The following CCDC30 variants were observed in gnomAD, a reference collection of about 807,000 sequenced individuals.
CCDC30 encodes the protein coiled-coil domain containing 30, also known as coiled-coil domain-containing protein 30.
A neutral mutation model predicts 100.2 loss-of-function variants in CCDC30; 70 were observed. That is an observed-to-expected ratio of 0.70 (90% CI 0.58 to 0.85). The LOEUF is 0.85. CCDC30 is among the 40% of genes least tolerant of loss of function. The pLI, the probability that CCDC30 is intolerant of heterozygous loss-of-function variation, is 0.00. For missense variants in CCDC30, 652 were observed against 771.2 expected, an observed-to-expected ratio of 0.85 and a Z score of 1.83; for synonymous variants, 233 against 269.5, an observed-to-expected ratio of 0.86 and a Z score of 1.33.
Position 42,586,020 on chromosome 1 carries a change from G to A in CCDC30, c.1002-3301G>A, listed in dbSNP as rs550131826. 7.9e-5 allele frequency among the ~76,000 whole-genome samples: 12 copies of A among 152,352 alleles called. 1 individual carries two copies. The highest frequency in any genetic ancestry group is 2.9e-4 in the African/African-American group (12 of 41,586). Reference sequence around the variant, plus strand: ...CAACTGCAATGAAGTATGATGAAGTGTGGTAAGTGTTATACTAAAGGAGGT... The same window carrying A: ...CAACTGCAATGAAGTATGATGAAGTATGGTAAGTGTTATACTAAAGGAGGT... On this transcript the variant is annotated intron_variant, in intron 9 of 16. Coordinates refer to ENST00000668663, the Ensembl canonical transcript of CCDC30.
chr1:42,537,627 C>T (rs1007314090), intron 6 of CCDC30: 4 of 265,316 alleles, frequency 1.5e-5, no homozygotes, highest in Admixed American at 5.1e-5. Context: ...AAGTCTTCCA[C>T]CAGTCAATCA....
chr1:42,514,931 G>A (rs940301327), intron 6 of CCDC30, among the ~76,000 whole-genome samples: 1 of 149,674 alleles, frequency 6.7e-6, no homozygotes, highest in African/African-American at 2.4e-5. Context: ...GGGATTACAG[G>A]CATAAGCCAC....
chr1:42,542,539 C>T lies in CCDC30; in HGVS notation c.457-23757C>T, dbSNP rs12030233. Among the ~76,000 whole-genome samples, 304 of 75,524 alleles carry T rather than the reference C, an allele frequency of 4.0e-3. 3 individuals are homozygous for T. The highest frequency in any genetic ancestry group is 7.2e-3 in the African/African-American group (155 of 21,554). The allele number at this position is 75,524 out of a possible 152,430, so 49.5% of individuals were successfully genotyped here. On this transcript the variant is annotated intron_variant, in intron 6 of 16. Transcript: ENST00000668663. ...CACACCTGGCTAATTTTAAATTTTTCTTTTTTTTTTTTTTTTTTTTTTGAG... is the reference window on the plus strand; with the variant it reads ...CACACCTGGCTAATTTTAAATTTTTTTTTTTTTTTTTTTTTTTTTTTTGAG...
intron 6 of CCDC30, among the ~76,000 whole-genome samples, chr1:42,550,278 A>C (rs918387326): frequency 5.9e-5 from 9 of 152,184 alleles, no homozygotes; most frequent in Non-Finnish European, 8.8e-5. Context: ...CAGGACTGTT[A>C]CATATCTTCC....
intron 7 of CCDC30, among the ~76,000 whole-genome samples, chr1:42,569,954 C>T (rs1469770203): frequency 6.6e-6 from 1 of 152,042 alleles, no homozygotes; most frequent in Admixed American, 6.5e-5. Context: ...GGGAGCGGAA[C>T]ATTACACACC....
chr1:42,456,506 G>A, the CCDC30 span: 16 of 1,428,304 alleles, frequency 1.1e-5, no homozygotes, highest in Non-Finnish European at 1.5e-5. Context: ...CCAGGTAGGC[G>A]AGAAGGGGCG....
intron 11 of CCDC30, among the ~76,000 whole-genome samples, chr1:42,635,807 C>CAAA (rs199893593): frequency 9.8e-6 from 1 of 101,810 alleles, no homozygotes; most frequent in Non-Finnish European, 2.1e-5. Flanking sequence ...GACTCCATCT[C>CAAA]AAAAAAAAAA....
rs868214289 is a variant in CCDC30, at chr1:42,581,471, G to A, written c.958G>A (p.Glu320Lys). The change falls in exon 9 of 17, where the codon GAA becomes AAA. Residue 320 changes from glutamate to lysine, a missense_variant. By Grantham distance (56) the Glu-to-Lys change is moderately conservative. Transcript: ENST00000668663. ...AAAGATAAAAGAAGCAACACAAAAT[G>A]AAGCTAAAGTAAAGCAACAATATCA... is the stretch of plus-strand genomic sequence containing the variant. 6.8e-6 allele frequency: 11 copies of A among 1,613,704 alleles called. No individual in the cohort carries two copies. The Middle Eastern group carries it at 4.9e-4, about 72-fold the overall frequency.
At chr1:42,457,968 AAAC>A in the CCDC30 span, among the ~76,000 whole-genome samples, 145 of 151,718 alleles carry the variant, frequency 9.6e-4, no homozygotes, top group Non-Finnish European at 1.5e-3. Context: ...AAAAAAAAAA[AAAC>A]ACCAAAAATC....
chr1:42,630,713 T>A (rs1218628970), intron 11 of CCDC30, among the ~76,000 whole-genome samples: 1 of 152,070 alleles, frequency 6.6e-6, no homozygotes, highest in African/African-American at 2.4e-5. Context: ...ATCTTCAAGT[T>A]TACTAATTCT....
chr1:42,562,210 A>G (rs960280969), intron 6 of CCDC30, among the ~76,000 whole-genome samples: 4 of 152,196 alleles, frequency 2.6e-5, no homozygotes, highest in African/African-American at 9.7e-5. Context: ...AAACTATACT[A>G]CAAGGCTACA....
rs996021327 is a variant in CCDC30 at position 42,561,059 on chromosome 1, C to A, written c.457-5237C>A. On this transcript the variant is annotated intron_variant, in intron 6 of 16. Transcript: ENST00000668663. Reference sequence around the variant, plus strand: ...GGAGCTGTTAGCATTCCTTCTGAAACTATTCCAAACAATTGAAAAGGAGGG... The same window carrying A: ...GGAGCTGTTAGCATTCCTTCTGAAAATATTCCAAACAATTGAAAAGGAGGG... Among the ~76,000 whole-genome samples the A allele has an allele frequency of 3.9e-5, 6 of 152,198 alleles. 1 individual carries two copies. The highest frequency in any genetic ancestry group is 7.3e-5 in the Non-Finnish European group (5 of 68,028).
chr1:42,545,890 G>T (rs182611569), intron 6 of CCDC30, among the ~76,000 whole-genome samples: 1 of 151,722 alleles, frequency 6.6e-6, no homozygotes, highest in Non-Finnish European at 1.5e-5. Context: ...GTTGTAGTGC[G>T]CCATGATTGT....
intron 6 of CCDC30, among the ~76,000 whole-genome samples, chr1:42,523,610 GGTT>G (rs1437426128): frequency 3.3e-5 from 5 of 152,034 alleles, no homozygotes; most frequent in Non-Finnish European, 5.9e-5. Flanking sequence ...TGAGCCTCTT[GGTT>G]GTTTGTATTC....
At chr1:42,546,031 TTCG>T (rs1645123712) in intron 6 of CCDC30, among the ~76,000 whole-genome samples, 1 of 151,804 alleles carries the variant, frequency 6.6e-6, no homozygotes, top group Admixed American at 6.6e-5. Flanking sequence ...CTCCAAAAAG[TTCG>T]TCTTTTGATA....
At chr1:42,626,812 G>A (rs531810645) in intron 11 of CCDC30, among the ~76,000 whole-genome samples, 32 of 152,124 alleles carry the variant, frequency 2.1e-4, no homozygotes, top group Admixed American at 1.2e-3. Flanking sequence ...TTTCACTCCC[G>A]TCATGATTCT....
At chr1:42,554,587 A>C (rs531750226) in intron 6 of CCDC30, among the ~76,000 whole-genome samples, 40 of 152,226 alleles carry the variant, frequency 2.6e-4, no homozygotes, top group Middle Eastern at 6.8e-3. Flanking sequence ...ATGGCTCTTG[A>C]TCTGTACTGC....
chr1:42,644,987 G>A (rs1485014089), intron 14 of CCDC30, among the ~76,000 whole-genome samples, 180 bp downstream of exon 18: 1 of 152,130 alleles, frequency 6.6e-6, no homozygotes, highest in Admixed American at 6.5e-5. Context: ...GACTGCTCTT[G>A]ATCAGCCAGA....
chr1:42,556,343 A>G (rs1557851447), intron 6 of CCDC30: 3 of 1,614,130 alleles, frequency 1.9e-6, no homozygotes, highest in Non-Finnish European at 2.5e-6. Flanking sequence ...GCTGAGCCAT[A>G]TAAATCAGAG....
Sources: allele counts gnomAD v4.1 joint callset (sites outside exome capture counted in the v4.1 genomes callset), GRCh38; gene constraint gnomAD v4.1.1; transcripts MANE v1.5; gene names NCBI Gene and HGNC (gene_info 2026-07-23, HGNC 2026-07-21).